Variants in FRMD4A observed in about 807,000 individuals in gnomAD.
FRMD4A encodes the protein FERM domain containing 4A.
Under a neutral mutation model 129.1 loss-of-function variants are expected in FRMD4A, and 29 were observed. The observed-to-expected ratio is 0.22, with a 90% CI of 0.17 to 0.31. FRMD4A has a LOEUF of 0.31. Ranked by LOEUF, FRMD4A falls within the 10% of genes least tolerant of loss-of-function variation. FRMD4A has a pLI of 1.00. For missense variants in FRMD4A, 1,272 were observed against 1,375.8 expected (o/e 0.92, Z 1.19); for synonymous variants, 634 against 571.6 (o/e 1.11, Z -1.56).
intron 2 of FRMD4A, among the ~76,000 whole-genome samples, chr10:14,280,226 C>A (rs979454848): frequency 9.9e-5 from 15 of 152,280 alleles, no homozygotes; most frequent in Non-Finnish European, 2.9e-5. Flanking sequence ...GCCCTGGAAC[C>A]TTTGCTTGGT....
intron 3 of FRMD4A, among the ~76,000 whole-genome samples, chr10:13,842,623 C>T (rs1021778254): frequency 1.3e-5 from 2 of 152,208 alleles, no homozygotes; most frequent in African/African-American, 2.4e-5. Flanking sequence ...GCACAAAGTG[C>T]GAGCTTTTCC....
At chr10:14,057,850 G>A (rs574034671) in intron 2 of FRMD4A, among the ~76,000 whole-genome samples, 4 of 152,314 alleles carry the variant, frequency 2.6e-5, no homozygotes, top group Admixed American at 1.3e-4. Flanking sequence ...GATTACAAGC[G>A]TGAGCCACAA....
intron 2 of FRMD4A, among the ~76,000 whole-genome samples, chr10:13,995,310 G>A (rs1403773744): frequency 1.3e-5 from 2 of 152,174 alleles, no homozygotes; most frequent in Non-Finnish European, 2.9e-5. Context: ...TGGGCTGGGC[G>A]TGGTGGATCA....
At chr10:13,816,510 T>C (rs1343003) in intron 3 of FRMD4A, among the ~76,000 whole-genome samples, 59,304 of 152,070 alleles carry the variant, frequency 0.39, 11,671 homozygotes, top group Middle Eastern at 0.43. Flanking sequence ...CTGAGTCTTT[T>C]ATTTTCTGTA....
chr10:14,089,909 G>A (rs1398079131), intron 2 of FRMD4A, among the ~76,000 whole-genome samples: 2 of 152,126 alleles, frequency 1.3e-5, no homozygotes, highest in Admixed American at 6.5e-5. Context: ...TGATTGCTTC[G>A]TATATATTGT....
intron 6 of FRMD4A, among the ~76,000 whole-genome samples, chr10:13,765,518 T>C (rs181832625): frequency 6.6e-5 from 10 of 152,300 alleles, no homozygotes; most frequent in African/African-American, 2.2e-4. Context: ...AGGAGAGATA[T>C]CTTTCAGGCT....
chr10:14,118,023 G>A (rs958931052), intron 2 of FRMD4A, among the ~76,000 whole-genome samples: 7 of 152,166 alleles, frequency 4.6e-5, no homozygotes, highest in Admixed American at 2.0e-4. Flanking sequence ...CCTGTTTAGA[G>A]GATGGGGTGA....
At position 13,761,106 on chromosome 10, in the gene FRMD4A, C is replaced by T. The variant is rs1254958533; in HGVS notation, c.464+541G>A. ...TTTACAGGGTTATTAACAACATTCA[C>T]AGATTCCCAGTAGTTGTCTGTTTAT... On this transcript the variant is annotated intron_variant, in intron 8 of 24. Transcript: ENST00000357447. Among the ~76,000 whole-genome samples, 3 of 152,198 alleles carry T rather than the reference C, an allele frequency of 2.0e-5. No individual in the cohort carries two copies. The East Asian group carries it at 5.8e-4, about 29-fold the overall frequency.
chr10:13,792,942 T>C (rs1005514275), intron 5 of FRMD4A, among the ~76,000 whole-genome samples: 1 of 152,302 alleles, frequency 6.6e-6, no homozygotes, highest in Middle Eastern at 3.4e-3. Context: ...GGGTTCTGAG[T>C]TCCAATTCAT....
At chr10:14,255,930 G>A (rs998578066) in intron 2 of FRMD4A, among the ~76,000 whole-genome samples, 8 of 148,982 alleles carry the variant, frequency 5.4e-5, no homozygotes, top group African/African-American at 1.7e-4. Flanking sequence ...CACTTGAACC[G>A]AGAATGCAGA....
At chr10:14,028,540 T>C (rs1833086760) in intron 2 of FRMD4A, among the ~76,000 whole-genome samples, 1 of 152,138 alleles carries the variant, frequency 6.6e-6, no homozygotes, top group Non-Finnish European at 1.5e-5. Flanking sequence ...GTTGATGAAA[T>C]AAACATATCT....
chr10:13,805,975 A>G (rs2093351571), intron 4 of FRMD4A, among the ~76,000 whole-genome samples: 1 of 151,986 alleles, frequency 6.6e-6, no homozygotes, highest in Non-Finnish European at 1.5e-5. Context: ...CTCGTGTGTC[A>G]GCCTCCTAAG....
chr10:13,683,934 T>G (rs1416978836), intron 15 of FRMD4A: 3 of 152,106 alleles, frequency 2.0e-5, no homozygotes, highest in Non-Finnish European at 2.9e-5. Flanking sequence ...GGTCTCCAAC[T>G]GCTGACCTCA....
intron 12 of FRMD4A, among the ~76,000 whole-genome samples, chr10:13,731,541 C>T (rs1254944385): frequency 1.3e-5 from 2 of 149,286 alleles, no homozygotes; most frequent in African/African-American, 5.0e-5. Context: ...CCTAGTTACT[C>T]GGGAGGCTGA....
At chr10:14,200,028 G>T (rs919290411) in intron 2 of FRMD4A, among the ~76,000 whole-genome samples, 3 of 130,484 alleles carry the variant, frequency 2.3e-5, no homozygotes, top group African/African-American at 5.5e-5. Flanking sequence ...AATTTGTTTT[G>T]TTTTTTTTTT....
intron 2 of FRMD4A, among the ~76,000 whole-genome samples, chr10:14,178,347 A>C (rs1180133426): frequency 6.6e-6 from 1 of 152,244 alleles, no homozygotes; most frequent in Non-Finnish European, 1.5e-5. Context: ...TGTATTCAGG[A>C]AACCAATATT....
chr10:14,275,244 C>T (rs1160524272), intron 2 of FRMD4A, among the ~76,000 whole-genome samples: 1 of 152,130 alleles, frequency 6.6e-6, no homozygotes, highest in Admixed American at 6.6e-5. Context: ...GCAACTAGAC[C>T]GACTCAAGGA....
intron 2 of FRMD4A, among the ~76,000 whole-genome samples, chr10:14,110,059 G>T (rs995501666): frequency 2.8e-5 from 4 of 141,336 alleles, no homozygotes; most frequent in African/African-American, 1.0e-4. Flanking sequence ...AGCTCAGGAG[G>T]TCAAGGCTGC....
intron 2 of FRMD4A, among the ~76,000 whole-genome samples, chr10:14,211,019 G>A (rs544569203): frequency 6.6e-6 from 1 of 152,272 alleles, no homozygotes; most frequent in Non-Finnish European, 1.5e-5. Context: ...GAGCCACCGT[G>A]CTCAGCCAGA....
Sources: allele counts gnomAD v4.1 joint callset (sites outside exome capture counted in the v4.1 genomes callset), GRCh38; gene constraint gnomAD v4.1.1; transcripts MANE v1.5; gene names NCBI Gene and HGNC (gene_info 2026-07-23, HGNC 2026-07-21).